STOX2: variants seen among roughly 807,000 people sequenced by gnomAD.
The protein encoded by STOX2 is storkhead-box protein 2.
A neutral mutation model predicts 60.9 loss-of-function variants in STOX2; 28 were observed. That is an observed-to-expected ratio of 0.46 (90% CI 0.34 to 0.63). The LOEUF is 0.63. STOX2 is among the 30% of genes least tolerant of loss of function. The pLI is 0.01. For synonymous variants in STOX2, 472 were observed against 463.9 expected (o/e 1.02, Z -0.22); for missense variants, 1,024 against 1,187.7 (o/e 0.86, Z 2.03).
chr4:183,848,572 T>C (rs1433980195), intron 1 of STOX2, among the ~76,000 whole-genome samples: 3 of 151,958 alleles, frequency 2.0e-5, no homozygotes. Flanking sequence ...CAGGGTTCTG[T>C]AAGCCAGGAA....
At chr4:183,842,660 G>C (rs1739889435) in intron 1 of STOX2, among the ~76,000 whole-genome samples, 1 of 152,192 alleles carries the variant, frequency 6.6e-6, no homozygotes, top group Non-Finnish European at 1.5e-5. Context: ...CATGTTGGCT[G>C]CCTATGTTTC....
chr4:183,912,312 T>C (rs760769608), intron 1 of STOX2, among the ~76,000 whole-genome samples: 1 of 152,202 alleles, frequency 6.6e-6, no homozygotes, highest in Non-Finnish European at 1.5e-5. Context: ...TTCCCATCCA[T>C]CACGCCTGTG....
rs772245376 is a variant in STOX2, at chr4:184,011,747, T to A, written c.2585+324T>A. The A allele has an allele frequency of 7.8e-6, 6 of 770,906 alleles. No homozygotes were observed. Among genetic ancestry groups the A allele is most frequent in the Admixed American group, 3.8e-5 (1 of 26,224 alleles). 47.8% of individuals were successfully genotyped at this position (770,906 alleles called of 1,614,324 possible). ...GCCACCCATGCTAAGAGAAGGATGT[T>A]TTTTAAGTCCTTCAAAAATAGTAAC... On this transcript the variant is annotated intron_variant, in intron 3 of 3. Coordinates refer to ENST00000308497, the MANE Select transcript of STOX2 (RefSeq NM_020225.3). The surrounding 1 kb of genome is among the most constrained non-coding windows in gnomAD (Gnocchi z 4.4).
intron 1 of STOX2, among the ~76,000 whole-genome samples, chr4:183,864,884 A>G (rs1466681746): frequency 6.6e-6 from 1 of 152,080 alleles, no homozygotes; most frequent in African/African-American, 2.4e-5. Flanking sequence ...AATCTTCCCA[A>G]AAAACTTCAG....
Position 184,001,445 on chromosome 4 carries a change from C to A in STOX2, c.287C>A (p.Ala96Glu), listed in dbSNP as rs762449099. ...NSARKPVTQE[A>E]LMEHLTTCFP... The stretch of plus-strand genomic sequence containing the variant: ...GCAAGAAAGCCTGTCACCCAAGAAG[C>A]ACTGATGGAGCACCTGACCACGTGC... The change falls in exon 2 of 4, where the codon GCA (alanine) becomes GAA (glutamate). Residue 96 changes from alanine to glutamate, a missense_variant. Physicochemically the swap from Ala to Glu is moderately radical, Grantham distance 107. Transcript: ENST00000308497. This position sits in a 1 kb window ranked among gnomAD's most constrained non-coding sequence, Gnocchi z 4.2. The A allele has an allele frequency of 7.4e-6, 12 of 1,613,724 alleles. No individual in the cohort carries two copies. The highest frequency in any genetic ancestry group is 1.0e-5 in the Non-Finnish European group (12 of 1,179,868).
At chr4:183,830,015 C>T (rs761306192) in intron 1 of STOX2, among the ~76,000 whole-genome samples, 14 of 152,110 alleles carry the variant, frequency 9.2e-5, no homozygotes, top group African/African-American at 3.4e-4. Context: ...GTAGAATCGG[C>T]GAATCCTTTA....
chr4:183,828,918 G>A (rs927509213), intron 1 of STOX2, among the ~76,000 whole-genome samples: 1 of 152,164 alleles, frequency 6.6e-6, no homozygotes, highest in African/African-American at 2.4e-5. Flanking sequence ...TACCACGGAC[G>A]CCAGACCTGG....
intron 1 of STOX2, among the ~76,000 whole-genome samples, chr4:183,852,921 G>T (rs1740194366): frequency 6.6e-6 from 1 of 152,162 alleles, no homozygotes; most frequent in Non-Finnish European, 1.5e-5. Context: ...GATGGCAAAT[G>T]TGAAGAACTT....
At chr4:183,924,199 C>G (rs970955105) in intron 1 of STOX2, among the ~76,000 whole-genome samples, 1 of 152,118 alleles carries the variant, frequency 6.6e-6, no homozygotes, top group African/African-American at 2.4e-5. Context: ...GTTGCCTGTT[C>G]GTGTCAGGGC....
At chr4:183,850,932 G>C (rs1314985892) in intron 1 of STOX2, among the ~76,000 whole-genome samples, 28 of 118,750 alleles carry the variant, frequency 2.4e-4, no homozygotes, top group South Asian at 6.1e-4. Context: ...ATGAGGGAAA[G>C]GATGAGGGAA....
intron 1 of STOX2, among the ~76,000 whole-genome samples, chr4:183,847,124 C>G (rs1436760815): frequency 1.3e-5 from 2 of 152,182 alleles, no homozygotes; most frequent in South Asian, 2.1e-4. Context: ...GCCTTCAACC[C>G]TCAGCCATAC....
Position 184,001,017 on chromosome 4 carries a change from A to C in STOX2, c.167-308A>C, listed in dbSNP as rs983808048. ...TATTAAATAAATCAGCTCCAAGTTA[A>C]TAAAAACGGAAATAAAAGCCTGTTG... On this transcript the variant is annotated intron_variant, in intron 1 of 3. Transcript: ENST00000308497. This position sits in a 1 kb window ranked among gnomAD's most constrained non-coding sequence, Gnocchi z 4.2. Among the ~76,000 whole-genome samples the C allele has an allele frequency of 6.6e-6, 1 of 152,256 alleles. No individual in the cohort carries two copies. Among genetic ancestry groups the C allele is most frequent in the Admixed American group, 6.5e-5 (1 of 15,288 alleles).
chr4:183,894,700 A>C lies in STOX2; in HGVS notation c.364+96645A>C, dbSNP rs1579384448. 2.0e-5 allele frequency among the ~76,000 whole-genome samples: 3 copies of C among 152,342 alleles called. No individual in the cohort carries two copies. The South Asian group carries it at 6.2e-4, about 32-fold the overall frequency. ...ATGTTGGAAAAAGGATCCATCCTTT[A>C]AACTCCATCTGTGTTATAGTGTGGT... On this transcript the variant is annotated intron_variant, in intron 1 of 2. Transcript: ENST00000513034.
rs571398047 is a variant in STOX2 at position 183,839,021 on chromosome 4, G to GCA, written c.364+40967_364+40968insAC. ...CACACAGGTACACGTGCACGCGCGC[G>GCA]CGCACACACACACACACAGGTACAC... On this transcript the variant is annotated intron_variant, in intron 1 of 2. Transcript: ENST00000513034. 1.9e-3 allele frequency among the ~76,000 whole-genome samples: 284 copies of GCA among 151,434 alleles called. 2 individuals carry two copies. The highest frequency in any genetic ancestry group is 6.4e-3 in the African/African-American group (264 of 41,010).
chr4:183,834,065 C>G (rs915804372), intron 1 of STOX2, among the ~76,000 whole-genome samples: 3 of 151,600 alleles, frequency 2.0e-5, no homozygotes, highest in African/African-American at 7.3e-5. Flanking sequence ...TAGAGCCAGC[C>G]TCTTCTGGCA....
intron 1 of STOX2, among the ~76,000 whole-genome samples, chr4:183,920,289 T>TA (rs1742065725): frequency 1.3e-5 from 2 of 151,998 alleles, no homozygotes; most frequent in Admixed American, 1.3e-4. Context: ...TTTGTATTTT[T>TA]AGTAGAGATG....
At chr4:183,945,720 C>T (rs1028735521) in intron 1 of STOX2, among the ~76,000 whole-genome samples, 2 of 152,190 alleles carry the variant, frequency 1.3e-5, no homozygotes, top group African/African-American at 4.8e-5. Context: ...TGTTTCCCAT[C>T]GTTGAGCACA....
chr4:183,958,982 A>T (rs1299810843), intron 1 of STOX2, among the ~76,000 whole-genome samples: 1 of 152,042 alleles, frequency 6.6e-6, no homozygotes, highest in Admixed American at 6.6e-5. Context: ...GAATGCTACA[A>T]ATCAGACAGT....
In STOX2 at chr4:183,887,905, G is replaced by T. The variant is rs186373162; in HGVS notation, c.364+89850G>T. 2.7e-3 allele frequency among the ~76,000 whole-genome samples: 404 copies of T among 152,152 alleles called. 1 individual carries two copies. The highest frequency in any genetic ancestry group is 9.2e-3 in the African/African-American group (383 of 41,492). On this transcript the variant is annotated intron_variant, in intron 1 of 2. Transcript: ENST00000513034. Reference sequence around the variant, plus strand: ...ACTATAAGTGTATACCACCATGCCCGGCTAATTTTGTTTGTTTGTTTGTTT... The same window carrying T: ...ACTATAAGTGTATACCACCATGCCCTGCTAATTTTGTTTGTTTGTTTGTTT...
Sources: gnomAD v4.1 joint callset for allele counts (sites outside exome capture counted in the v4.1 genomes callset) on GRCh38, gnomAD v4.1.1 for gene constraint, Gnocchi (gnomAD v3.1) non-coding constraint, MANE v1.5 for transcripts, NCBI Gene and HGNC (gene_info 2026-07-23, HGNC 2026-07-21) for gene names.